The following CCM2L variants were observed in gnomAD, a reference collection of about 807,000 sequenced individuals.
CCM2L encodes the protein CCM2 like scaffold protein, also known as cerebral cavernous malformations 2 protein-like.
Under a neutral mutation model 54.1 loss-of-function variants are expected in CCM2L, and 36 were observed. The observed-to-expected ratio is 0.67, with a 90% CI of 0.51 to 0.88. The LOEUF (loss-of-function observed/expected upper bound fraction) is 0.88, where lower values mean the gene tolerates loss of function less well. Among genes scored for constraint, CCM2L ranks in the 40% least tolerant of loss-of-function variants. The pLI, the probability that CCM2L is intolerant of heterozygous loss-of-function variation, is 0.00. For missense variants in CCM2L, 700 were observed against 812.1 expected (o/e 0.86, Z 1.68); for synonymous variants, 351 against 359.3 (o/e 0.98, Z 0.26).
intron 5 of CCM2L, among the ~76,000 whole-genome samples, chr20:32,020,975 C>T (rs576790210): frequency 1.3e-5 from 2 of 152,004 alleles, no homozygotes; most frequent in Non-Finnish European, 2.9e-5. Context: ...CAAAACAAAA[C>T]AAAAAAACAT....
chr20:32,029,170 G>C, intron 8 of CCM2L, 46 bp downstream of exon 8: 3 of 1,612,662 alleles, frequency 1.9e-6, no homozygotes, highest in Non-Finnish European at 2.5e-6. Context: ...AAAGCCTGGA[G>C]GCTGGAGTAA....
At position 32,024,922 on chromosome 20, in the gene CCM2L, A is replaced by G. The variant is rs139935048; in HGVS notation, c.1070-934A>G. On this transcript the variant is annotated intron_variant, in intron 6 of 9. Coordinates refer to ENST00000452892, the MANE Select transcript of CCM2L (RefSeq NM_001365692.1). ...AAGGAAGCAACACTGATCAGAGATC[A>G]GAAATGGTAGGGCTAATAACCAGCT... 3.9e-5 allele frequency among the ~76,000 whole-genome samples: 6 copies of G among 152,406 alleles called. No individual in the cohort carries two copies. The East Asian group carries it at 1.2e-3, about 29-fold the overall frequency.
chr20:32,025,197 TTTTC>T lies in CCM2L; in HGVS notation c.1070-647_1070-644del, dbSNP rs199994479. 3.7e-3 allele frequency among the ~76,000 whole-genome samples: 561 copies of T among 151,548 alleles called. 5 individuals carry two copies. The highest frequency in any genetic ancestry group is 0.013 in the African/African-American group (528 of 41,344). On this transcript the variant is annotated intron_variant, in intron 6 of 9. Transcript: ENST00000452892. ...TTTCTTTTTTCCTTTCCTTTCCTCT[TTTTC>T]TTTCTTTCTTTTTTCCTTTCCTTTC... is the stretch of plus-strand genomic sequence containing the variant.
At chr20:32,024,550 G>A (rs1316957739) in intron 6 of CCM2L, among the ~76,000 whole-genome samples, 1 of 152,138 alleles carries the variant, frequency 6.6e-6, no homozygotes, top group Non-Finnish European at 1.5e-5. Flanking sequence ...CCACAGGTTG[G>A]GCACAGTGGC....
At chr20:32,011,988 G>C (rs1360225529) in intron 1 of CCM2L, among the ~76,000 whole-genome samples, 1 of 151,198 alleles carries the variant, frequency 6.6e-6, no homozygotes, top group Non-Finnish European at 1.5e-5. Context: ...ATCTAGCCAC[G>C]GCAGACTGAC....
rs1200488367 is a variant in CCM2L at position 32,031,170 on chromosome 20, G to A, written c.1572G>A (p.Arg524=). 4 of 1,302,206 alleles carry A rather than the reference G, an allele frequency of 3.1e-6. No homozygotes were observed. The highest frequency in any genetic ancestry group is 4.0e-6 in the Non-Finnish European group (4 of 988,476). 80.7% of individuals were successfully genotyped at this position (1,302,206 alleles called of 1,614,324 possible). Residue 524 remains arginine, a synonymous_variant, in exon 10 of 10, where the codon CGG becomes CGA. Transcript: ENST00000452892. The stretch of plus-strand genomic sequence containing the variant: ...GCAGCTACGATGGCGCGGCGCAGCG[G>A]CCCGAGGCACAGGCCTTCCACCGGC... ...AVRSYDGAAQ[R]PEAQAFHRLL... is the part of the protein sequence containing the mutation.
chr20:32,012,691 C>T (rs2064704734), intron 1 of CCM2L, among the ~76,000 whole-genome samples: 1 of 152,182 alleles, frequency 6.6e-6, no homozygotes, highest in South Asian at 2.1e-4. Flanking sequence ...AAGTTGGAAA[C>T]TCACTAGTCT....
Position 32,031,201 on chromosome 20 carries a change from G to A in CCM2L, c.1603G>A (p.Ala535Thr). 7.7e-7 allele frequency: 1 copy of A among 1,301,384 alleles called. No individual in the cohort carries two copies. 80.6% of individuals were successfully genotyped at this position (1,301,384 alleles called of 1,614,324 possible). ...GGCACAGGCCTTCCACCGGCTGCTGGCTGACATCACGCACGACATCGAGGC... is the reference window on the plus strand; with the variant it reads ...GGCACAGGCCTTCCACCGGCTGCTGACTGACATCACGCACGACATCGAGGC... The part of the protein sequence containing the change: ...PEAQAFHRLL[A>T]DITHDIEALA... The change falls in exon 10 of 10, where the codon GCT becomes ACT. Residue 535 changes from alanine to threonine, a missense_variant. By Grantham distance (58) the Ala-to-Thr change is moderately conservative. Coordinates refer to ENST00000452892, the MANE Select transcript of CCM2L (RefSeq NM_001365692.1).
intron 6 of CCM2L, among the ~76,000 whole-genome samples, chr20:32,025,087 C>CTTTCT (rs748112896): frequency 1.3e-5 from 2 of 150,032 alleles, no homozygotes; most frequent in Non-Finnish European, 2.9e-5. Flanking sequence ...TTCTTTCTCT[C>CTTTCT]TTTCTTTTCT....
Position 32,014,891 on chromosome 20 carries a change from C to A in CCM2L, c.31-13C>A. On this transcript the variant is annotated splice_polypyrimidine_tract_variant and intron_variant, in intron 1 of 9. Transcript: ENST00000452892. ...GCCACTGTTATCACTCTCATTCCTC[C>A]TCTCCTCCCCAGGGCTTTGTATCCC... 1 of 1,586,742 alleles carries A rather than the reference C, an allele frequency of 6.3e-7. No homozygotes were observed. The highest frequency in any genetic ancestry group is 1.1e-5 in the South Asian group (1 of 88,716).
chr20:32,020,620 T>C (rs2064796132), intron 5 of CCM2L, among the ~76,000 whole-genome samples: 1 of 152,238 alleles, frequency 6.6e-6, no homozygotes. Flanking sequence ...GCCAAAACCT[T>C]GCTGTGGGCC....
intron 7 of CCM2L, chr20:32,027,956 T>A (rs191006866): frequency 6.6e-6 from 1 of 152,186 alleles, no homozygotes; most frequent in South Asian, 2.1e-4. Context: ...GAAATCGCAA[T>A]TTAACAGTAA....
intron 6 of CCM2L, among the ~76,000 whole-genome samples, chr20:32,025,354 G>A (rs193072231): frequency 4.0e-5 from 6 of 150,230 alleles, no homozygotes; most frequent in African/African-American, 1.2e-4. Flanking sequence ...CTGCAGCCTC[G>A]ACCTCCCAGG....
chr20:32,019,344 C>T lies in CCM2L; in HGVS notation c.868C>T (p.Leu290Phe). 4 of 1,473,130 alleles carry T rather than the reference C, an allele frequency of 2.7e-6. No individual in the cohort carries two copies. The South Asian group carries it at 5.1e-5, about 19-fold the overall frequency. 91.3% of individuals were successfully genotyped at this position (1,473,130 alleles called of 1,614,324 possible). ...WERRHPGPNP[L>F]DPQDPSPDAY... ...GCGGCGCCACCCCGGCCCCAACCCG[C>T]TCGACCCGCAGGACCCCAGCCCCGA... Residue 290 changes from leucine to phenylalanine, a missense_variant, in exon 5 of 10, where the codon CTC becomes TTC. By Grantham distance (22) the Leu-to-Phe change is conservative. Transcript: ENST00000452892.
At chr20:32,017,318 A>G (rs2064748776) in intron 2 of CCM2L, among the ~76,000 whole-genome samples, 1 of 152,226 alleles carries the variant, frequency 6.6e-6, no homozygotes, top group Admixed American at 6.5e-5. Context: ...TAAGGAAGGC[A>G]AGTGATTTGC....
chr20:32,018,472 G>C (rs1476043435), intron 4 of CCM2L, among the ~76,000 whole-genome samples: 2 of 152,030 alleles, frequency 1.3e-5, no homozygotes, highest in African/African-American at 4.8e-5. Context: ...ACCTAGGCCA[G>C]GGCTGGATCC....
At position 32,031,451 on chromosome 20, in the gene CCM2L, C is replaced by A; in HGVS notation, c.*137C>A. ...TTCACTCCAGGGTCTCGCTCCCTGCCCTTGGGGCCCGGGGCCATGCAGTAC... is the reference window on the plus strand; with the variant it reads ...TTCACTCCAGGGTCTCGCTCCCTGCACTTGGGGCCCGGGGCCATGCAGTAC... On this transcript the variant is annotated 3_prime_UTR_variant, in exon 10 of 10. Transcript: ENST00000452892. The A allele has an allele frequency of 4.5e-6, 3 of 662,364 alleles. No homozygotes were observed. Among genetic ancestry groups the A allele is most frequent in the Non-Finnish European group, 6.5e-6 (3 of 464,222 alleles). The allele number at this position is 662,364 out of a possible 1,614,324, so 41.0% of individuals were successfully genotyped here. A position where few individuals can be genotyped will look rare whatever the true frequency, so the allele number is the denominator to read the frequency against.
chr20:32,015,636 A>C (rs1345624613), intron 2 of CCM2L, among the ~76,000 whole-genome samples: 1 of 152,116 alleles, frequency 6.6e-6, no homozygotes, highest in Non-Finnish European at 1.5e-5. Flanking sequence ...CTTTGTGCAA[A>C]GTTGTAGTTT....
intron 1 of CCM2L, 29 bp from the exon 2 acceptor site, chr20:32,014,875 A>T: frequency 6.4e-7 from 1 of 1,565,948 alleles, no homozygotes; most frequent in Non-Finnish European, 8.6e-7. Flanking sequence ...AGCCACTGTT[A>T]TCACTCTCAT....
Sources: allele counts gnomAD v4.1 joint callset (sites outside exome capture counted in the v4.1 genomes callset), GRCh38; gene constraint gnomAD v4.1.1; transcripts MANE v1.5; gene names NCBI Gene and HGNC (gene_info 2026-07-23, HGNC 2026-07-21).